Variants in HHIP observed in about 807,000 individuals in gnomAD.
HHIP encodes hedgehog interacting protein.
A neutral mutation model predicts 74.0 loss-of-function variants in HHIP; 12 were observed. The observed-to-expected ratio is 0.16, with a 90% CI of 0.10 to 0.26. The LOEUF is 0.26. Among genes scored for constraint, HHIP ranks in the 10% least tolerant of loss-of-function variants. HHIP has a pLI of 1.00. For synonymous variants in HHIP, 309 were observed against 311.6 expected (o/e 0.99, Z 0.09); for missense variants, 788 against 845.0 (o/e 0.93, Z 0.84).
chr4:144,706,083 A>T (rs951867694), intron 4 of HHIP, among the ~76,000 whole-genome samples: 1 of 152,264 alleles, frequency 6.6e-6, no homozygotes, highest in African/African-American at 2.4e-5. Flanking sequence ...TTTTCTAAAC[A>T]TATTGCCAAG....
At chr4:144,730,359 T>C (rs1310397385) in intron 11 of HHIP, among the ~76,000 whole-genome samples, 2 of 152,168 alleles carry the variant, frequency 1.3e-5, no homozygotes, top group African/African-American at 4.8e-5. Flanking sequence ...GAAATATGTT[T>C]TTCTGATTTA....
At chr4:144,678,028 T>A (rs1396247544) in intron 4 of HHIP, among the ~76,000 whole-genome samples, 1 of 152,098 alleles carries the variant, frequency 6.6e-6, no homozygotes, top group African/African-American at 2.4e-5. Context: ...TTGCAGAAAA[T>A]GGCTCATCTC....
intron 2 of HHIP, among the ~76,000 whole-genome samples, chr4:144,658,557 C>T (rs559887280): frequency 5.9e-5 from 9 of 151,668 alleles, no homozygotes; most frequent in Non-Finnish European, 1.2e-4. Flanking sequence ...TTAGTAGAGA[C>T]GGGGTTTCGC....
At chr4:144,699,953 A>G (rs1264143307) in intron 4 of HHIP, among the ~76,000 whole-genome samples, 1 of 152,188 alleles carries the variant, frequency 6.6e-6, no homozygotes, top group Non-Finnish European at 1.5e-5. Flanking sequence ...CACACAGCAA[A>G]ATAACACAGT....
rs1731278148 is a variant in HHIP at position 144,742,226 on chromosome 4, C to G, written c.*4269C>G. On this transcript the variant is annotated 3_prime_UTR_variant, in exon 13 of 13. Coordinates refer to ENST00000296575, the MANE Select transcript of HHIP (RefSeq NM_022475.3). ...TGCTGTTGATTTTGCTGGTTATGAT[C>G]TTTTCTTTGTTTTTCTGAAAAATAG... 1 of 152,126 alleles carries G rather than the reference C, an allele frequency of 6.6e-6. No individual in the cohort carries two copies. The highest frequency in any genetic ancestry group is 6.6e-5 in the Admixed American group (1 of 15,262). The allele number at this position is 152,126 out of a possible 1,614,324, so 9.4% of individuals were successfully genotyped here.
At chr4:144,697,266 TA>T (rs1729845666) in intron 4 of HHIP, among the ~76,000 whole-genome samples, 1 of 152,044 alleles carries the variant, frequency 6.6e-6, no homozygotes, top group Non-Finnish European at 1.5e-5. Flanking sequence ...TTTTTTTCTC[TA>T]AAAAATTGTT....
At chr4:144,685,962 G>A (rs1047252373) in intron 4 of HHIP, among the ~76,000 whole-genome samples, 1 of 152,108 alleles carries the variant, frequency 6.6e-6, no homozygotes, top group Admixed American at 6.5e-5. Context: ...CCTTCACTAG[G>A]TGACTTATTT....
At chr4:144,647,059 T>C (rs1189399737) in intron 1 of HHIP, 105 bp downstream of exon 1, 2 of 957,384 alleles carry the variant, frequency 2.1e-6, no homozygotes, top group Non-Finnish European at 3.1e-6. Flanking sequence ...AAAACTTCTT[T>C]GGGGGAGTTC....
chr4:144,733,660 T>C (rs559119488), intron 11 of HHIP, among the ~76,000 whole-genome samples: 12 of 152,304 alleles, frequency 7.9e-5, no homozygotes, highest in African/African-American at 2.9e-4. Flanking sequence ...TGCTTGGCCG[T>C]CCTAATGCTG....
intron 4 of HHIP, among the ~76,000 whole-genome samples, chr4:144,680,396 G>A (rs899600905): frequency 2.0e-5 from 3 of 152,118 alleles, no homozygotes; most frequent in African/African-American, 7.2e-5. Flanking sequence ...ATGATGGGAA[G>A]ACATTTTTCT....
At chr4:144,655,319 C>G (rs1475554471) in intron 2 of HHIP, among the ~76,000 whole-genome samples, 1 of 152,168 alleles carries the variant, frequency 6.6e-6, no homozygotes, top group African/African-American at 2.4e-5. Flanking sequence ...CTTGTTTCTG[C>G]AGGACTTTTC....
chr4:144,738,095 T>C lies in HHIP; in HGVS notation c.*138T>C, dbSNP rs2126696535. 2.2e-6 allele frequency: 3 copies of C among 1,354,334 alleles called. No homozygotes were observed. Among genetic ancestry groups the C allele is most frequent in the African/African-American group, 1.5e-5 (1 of 68,062 alleles). 83.9% of individuals were successfully genotyped at this position (1,354,334 alleles called of 1,614,324 possible). A position where few individuals can be genotyped will look rare whatever the true frequency, so the allele number is the denominator to read the frequency against. ...TTAATTTAAAAATAATTTCCAGAAA[T>C]GTGCAGATCCTCTGTGTGTATGTCA... On this transcript the variant is annotated 3_prime_UTR_variant, in exon 13 of 13. Transcript: ENST00000296575.
Position 144,658,831 on chromosome 4 carries a change from G to A in HHIP, c.514G>A (p.Ala172Thr). ...TTADEFCFYY[A>T]RKDGGLCFPD... is the part of the protein sequence containing the mutation. ...TGCGGATGAGTTTTGCTTTTACTAT[G>A]CAAGAAAAGATGGTGGGTTGTGCTT... Residue 172 changes from alanine to threonine, a missense_variant, in exon 3 of 13, where the codon GCA (alanine) becomes ACA (threonine). Transcript: ENST00000296575. 1.2e-6 allele frequency: 2 copies of A among 1,613,430 alleles called. No homozygotes were observed. Among genetic ancestry groups the A allele is most frequent in the African/African-American group, 1.3e-5 (1 of 75,014 alleles).
intron 7 of HHIP, among the ~76,000 whole-genome samples, chr4:144,710,678 CT>C (rs1271932801): frequency 6.6e-6 from 1 of 152,040 alleles, no homozygotes; most frequent in African/African-American, 2.4e-5. Flanking sequence ...TTGGCTATGT[CT>C]GGGAACATTT....
At chr4:144,731,433 T>C (rs1416275987) in intron 11 of HHIP, among the ~76,000 whole-genome samples, 1 of 152,204 alleles carries the variant, frequency 6.6e-6, no homozygotes, top group African/African-American at 2.4e-5. Flanking sequence ...TACTTATTTA[T>C]TTTGAGATGG....
chr4:144,743,235 T>C lies in HHIP; in HGVS notation c.*5278T>C, dbSNP rs964740587. 1.3e-5 allele frequency: 2 copies of C among 151,056 alleles called. No individual in the cohort carries two copies. The highest frequency in any genetic ancestry group is 4.9e-5 in the African/African-American group (2 of 41,146). 9.4% of individuals were successfully genotyped at this position (151,056 alleles called of 1,614,324 possible). On this transcript the variant is annotated 3_prime_UTR_variant, in exon 13 of 13. Coordinates refer to ENST00000296575, the MANE Select transcript of HHIP (RefSeq NM_022475.3). ...AGAGCTGTTTTCTTCTCAGTCATAGTGGTGGTTTTCCTAGCTGCTATGGAA... is the reference window on the plus strand; with the variant it reads ...AGAGCTGTTTTCTTCTCAGTCATAGCGGTGGTTTTCCTAGCTGCTATGGAA...
chr4:144,708,387 A>G, intron 7 of HHIP, 76 bp downstream of exon 7: 1 of 1,466,208 alleles, frequency 6.8e-7, no homozygotes, highest in South Asian at 1.2e-5. Flanking sequence ...TATAGCATAG[A>G]GCATATACCA....
rs148226789 is a variant in HHIP, at chr4:144,730,775, A to G, written c.1761-3966A>G. 2.2e-3 allele frequency among the ~76,000 whole-genome samples: 334 copies of G among 152,124 alleles called. 3 individuals carry two copies. The highest frequency in any genetic ancestry group is 7.7e-3 in the African/African-American group (318 of 41,510). On this transcript the variant is annotated intron_variant, in intron 11 of 12. Coordinates refer to ENST00000296575, the MANE Select transcript of HHIP (RefSeq NM_022475.3). Reference sequence around the variant, plus strand: ...GTTTATTCCTTTTTTGTTTCTCTTTATTTCATGTAAAAGGGCCCTGTTCTT... The same window carrying G: ...GTTTATTCCTTTTTTGTTTCTCTTTGTTTCATGTAAAAGGGCCCTGTTCTT...
intron 4 of HHIP, among the ~76,000 whole-genome samples, chr4:144,704,621 T>A (rs1730079200): frequency 6.6e-6 from 1 of 152,248 alleles, no homozygotes; most frequent in South Asian, 2.1e-4. Flanking sequence ...TTCTGATGAT[T>A]TGATTAAAAA....
Sources: allele counts gnomAD v4.1 joint callset (sites outside exome capture counted in the v4.1 genomes callset), GRCh38; gene constraint gnomAD v4.1.1; transcripts MANE v1.5; gene names NCBI Gene and HGNC (gene_info 2026-07-23, HGNC 2026-07-21).